MAGEA4: variants seen among roughly 807,000 people sequenced by gnomAD.
MAGEA4 encodes the protein MAGE family member A4, also known as melanoma-associated antigen 4.
In MAGEA4, 1 loss-of-function variant was observed where a neutral mutation model predicts 13.7. That is an observed-to-expected ratio of 0.07 (90% CI 0.03 to 0.35). The LOEUF (loss-of-function observed/expected upper bound fraction) is 0.35, where lower values mean the gene tolerates loss of function less well. Among genes scored for constraint, MAGEA4 ranks in the 10% least tolerant of loss-of-function variants. The pLI is 0.99. For synonymous variants in MAGEA4, 132 were observed against 101.1 expected, an observed-to-expected ratio of 1.31 and a Z score of -1.83; for missense variants, 312 against 245.1, an observed-to-expected ratio of 1.27 and a Z score of -1.82.
intron 1 of MAGEA4, chrX:151,919,011 G>A: frequency 1.6e-5 from 12 of 752,945 alleles, no homozygotes; most frequent in Non-Finnish European, 1.9e-5. Context: ...GTGGAGGGAA[G>A]CGGGCCAGGC....
In MAGEA4 at chrX:151,924,065, C is replaced by T; in HGVS notation, c.401C>T (p.Ala134Val). ...KYRAKELVTK[A>V]EMLERVIKNY... ...CGAGCCAAGGAGCTGGTCACAAAGGCAGAAATGCTGGAGAGAGTCATCAAA... is the reference window on the plus strand; with the variant it reads ...CGAGCCAAGGAGCTGGTCACAAAGGTAGAAATGCTGGAGAGAGTCATCAAA... Residue 134 changes from alanine (A) to valine (V), a missense_variant, in exon 3 of 3, where the codon GCA becomes GTA. By Grantham distance (64) the Ala-to-Val change is moderately conservative. Transcript: ENST00000276344. 8.2e-7 allele frequency: 1 copy of T among 1,212,161 alleles called. No homozygotes were observed. The highest frequency in any genetic ancestry group is 2.2e-5 in the Admixed American group (1 of 46,101).
chrX:151,922,442 C>A (rs1933491582), intron 1 of MAGEA4, among the ~76,000 whole-genome samples: 1 of 111,246 alleles, frequency 9.0e-6, no homozygotes, highest in African/African-American at 3.3e-5. Flanking sequence ...CCATCAGAAC[C>A]CTCACCCCAG....
At chrX:151,921,661 T>A (rs1003552690) in intron 1 of MAGEA4, among the ~76,000 whole-genome samples, 1 of 112,344 alleles carries the variant, frequency 8.9e-6, no homozygotes, top group East Asian at 2.8e-4. Context: ...AATCCATTTT[T>A]TCCCCTGCAG....
chrX:151,920,002 TCCCATC>T (rs1478080800), intron 1 of MAGEA4, among the ~76,000 whole-genome samples: 1 of 78,052 alleles, frequency 1.3e-5, no homozygotes, highest in African/African-American at 5.0e-5. Context: ...CCCTTCCCAT[TCCCATC>T]CACACTCCCA....
At chrX:151,918,863 C>A in intron 1 of MAGEA4, 1 of 530,703 alleles carries the variant, frequency 1.9e-6, no homozygotes, top group Non-Finnish European at 2.3e-6. Flanking sequence ...ACCCTTCCCA[C>A]CCCCATCCAC....
chrX:151,919,840 G>T (rs918849195), intron 1 of MAGEA4: 1 of 609,768 alleles, frequency 1.6e-6, no homozygotes, highest in African/African-American at 2.5e-5. Context: ...TGAGTCTGGG[G>T]CGCCCACCAC....
intron 1 of MAGEA4, among the ~76,000 whole-genome samples, chrX:151,917,923 C>G (rs1933138093): frequency 1.1e-5 from 1 of 94,365 alleles, no homozygotes; most frequent in Non-Finnish European, 2.1e-5. Context: ...GAGGGCTAAG[C>G]GTACCCCACC....
rs1431057199 is a variant in MAGEA4, at chrX:151,925,156, A to G, written c.*538A>G. ...TAAGAGAAATTAAATCTGAATAAAT[A>G]ATTCTTTCTGTTAACTGGCTCATTT... On this transcript the variant is annotated 3_prime_UTR_variant, in exon 3 of 3. Coordinates refer to ENST00000276344, the MANE Select transcript of MAGEA4 (RefSeq NM_001011548.1). The G allele has an allele frequency of 8.6e-6, 1 of 116,101 alleles. No individual in the cohort carries two copies. Among genetic ancestry groups the G allele is most frequent in the Non-Finnish European group, 1.8e-5 (1 of 54,385 alleles). 9.6% of individuals were successfully genotyped at this position (116,101 alleles called of 1,213,427 possible). A position where few individuals can be genotyped will look rare whatever the true frequency, so the allele number is the denominator to read the frequency against.
In MAGEA4 at chrX:151,924,611, G is replaced by A; in HGVS notation, c.947G>A (p.Gly316Glu). 1 of 1,184,900 alleles carries A rather than the reference G, an allele frequency of 8.4e-7. No homozygotes were observed. ...GCAGCTTTGTTAGAGGAGGAAGAGG[G>A]AGTCTGAGCATGAGTTGCAGCCAGG... ...REAALLEEEEGV is the reference protein window; with the variant it reads ...REAALLEEEEEV Residue 316 changes from glycine to glutamate, a missense_variant, in exon 3 of 3, where the codon GGA (glycine) becomes GAA (glutamate). By Grantham distance (98) the Gly-to-Glu change is moderately conservative. Transcript: ENST00000276344.
At chrX:151,913,493 T>C in intron 1 of MAGEA4, 2 of 727,851 alleles carry the variant, frequency 2.7e-6, no homozygotes, top group South Asian at 1.4e-4. Context: ...TGCCACTGAC[T>C]TGCGCATTGG....
At chrX:151,921,026 G>A (rs1933411365) in intron 1 of MAGEA4, among the ~76,000 whole-genome samples, 1 of 112,026 alleles carries the variant, frequency 8.9e-6, no homozygotes. Context: ...GGTGTGATCA[G>A]GGAAGGGCTG....
rs199984362 is a variant in MAGEA4, at chrX:151,924,453, C to G, written c.789C>G (p.Pro263=). Residue 263 remains proline (P), a synonymous_variant, in exon 3 of 3, where the codon CCC becomes CCG. Coordinates refer to ENST00000276344, the MANE Select transcript of MAGEA4 (RefSeq NM_001011548.1). ...ACTACCTGGAGTACCGGCAGGTACC[C>G]GGCAGTAATCCTGCGCGCTATGAGT... ...QENYLEYRQV[P]GSNPARYEFL... 8.3e-7 allele frequency: 1 copy of G among 1,211,417 alleles called. No individual in the cohort carries two copies. The highest frequency in any genetic ancestry group is 2.2e-5 in the Admixed American group (1 of 46,064).
chrX:151,912,720 C>T (rs1452112180), upstream of MAGEA4: 19 of 177,299 alleles, frequency 1.1e-4, no homozygotes, highest in Non-Finnish European at 1.8e-4. Context: ...CCTCATACCC[C>T]CATCCCCAAT....
At position 151,924,953 on chromosome X, in the gene MAGEA4, CTATT is replaced by C. The variant is rs1476006431; in HGVS notation, c.*337_*340del. ...TTTTATTCAGATTGGGAAATCCGTT[CTATT>C]TTGTGAATTTGGGACATAATAACAG... On this transcript the variant is annotated 3_prime_UTR_variant, in exon 3 of 3. Coordinates refer to ENST00000276344, the MANE Select transcript of MAGEA4 (RefSeq NM_001011548.1). 1 of 182,420 alleles carries C rather than the reference CTATT, an allele frequency of 5.5e-6. No individual in the cohort carries two copies. Among genetic ancestry groups the C allele is most frequent in the Non-Finnish European group, 1.1e-5 (1 of 92,526 alleles). 15.0% of individuals were successfully genotyped at this position (182,420 alleles called of 1,213,427 possible).
upstream of MAGEA4, chrX:151,912,546 G>C (rs1932954399): frequency 5.5e-6 from 2 of 360,969 alleles, no homozygotes; most frequent in Non-Finnish European, 1.1e-5. Context: ...AGGCAAGGTG[G>C]GGGCAGGCTG....
At chrX:151,922,484 CAG>C (rs1320778484) in intron 1 of MAGEA4, among the ~76,000 whole-genome samples, 1 of 111,356 alleles carries the variant, frequency 9.0e-6, no homozygotes, top group Non-Finnish European at 1.9e-5. Flanking sequence ...GCACCCCACA[CAG>C]GGGTGACAGG....
chrX:151,924,977 TAAC>T lies in MAGEA4; in HGVS notation c.*361_*363del, dbSNP rs748069999. 32 of 164,908 alleles carry T rather than the reference TAAC, an allele frequency of 1.9e-4. No individual in the cohort carries two copies. Among genetic ancestry groups the T allele is most frequent in the African/African-American group, 4.7e-4 (15 of 32,031 alleles). 13.6% of individuals were successfully genotyped at this position (164,908 alleles called of 1,213,427 possible). A position where few individuals can be genotyped will look rare whatever the true frequency, so the allele number is the denominator to read the frequency against. Reference sequence around the variant, plus strand: ...TCTATTTTGTGAATTTGGGACATAATAACAGCAGTGGAGTAAGTATTTAGAAGT... The same window carrying T: ...TCTATTTTGTGAATTTGGGACATAATAGCAGTGGAGTAAGTATTTAGAAGT... On this transcript the variant is annotated 3_prime_UTR_variant, in exon 3 of 3. Coordinates refer to ENST00000276344, the MANE Select transcript of MAGEA4 (RefSeq NM_001011548.1).
At chrX:151,913,562 G>A in intron 1 of MAGEA4, 2 of 751,109 alleles carry the variant, frequency 2.7e-6, no homozygotes, top group Non-Finnish European at 3.1e-6. Flanking sequence ...GCGGAGGGAA[G>A]CGGGCCAGGC....
At chrX:151,913,406 C>T in intron 1 of MAGEA4, 1 of 438,846 alleles carries the variant, frequency 2.3e-6, no homozygotes, top group Non-Finnish European at 2.8e-6. Flanking sequence ...CGACCTCACC[C>T]CTCCCACCCC....
Sources: gnomAD v4.1 joint callset for allele counts (sites outside exome capture counted in the v4.1 genomes callset) on GRCh38, gnomAD v4.1.1 for gene constraint, MANE v1.5 for transcripts, NCBI Gene and HGNC (gene_info 2026-07-23, HGNC 2026-07-21) for gene names.